FANCC: variants seen among roughly 807,000 people sequenced by gnomAD.
FANCC encodes the protein FA complementation group C, also known as Fanconi anemia group C protein.
FANCC carries 55 observed loss-of-function variants against 71.3 expected under a neutral mutation model. The ratio of observed to expected loss-of-function variants is 0.77; its 90% CI spans 0.62 to 0.97. The LOEUF is 0.97. Among genes scored for constraint, FANCC ranks in the 50% least tolerant of loss-of-function variants. The pLI, the probability that FANCC is intolerant of heterozygous loss-of-function variation, is 0.00. For synonymous variants in FANCC, 275 were observed against 244.9 expected, an observed-to-expected ratio of 1.12 and a Z score of -1.15; for missense variants, 678 against 670.9, an observed-to-expected ratio of 1.01 and a Z score of -0.12.
chr9:95,102,477 A>G (rs576552683), intron 14 of FANCC, among the ~76,000 whole-genome samples: 24 of 152,330 alleles, frequency 1.6e-4, no homozygotes, highest in East Asian at 1.3e-3. Flanking sequence ...GAATCTTACA[A>G]TTTAGCTGTG....
intron 3 of FANCC, among the ~76,000 whole-genome samples, chr9:95,243,218 G>T (rs1003967500): frequency 6.6e-6 from 1 of 152,184 alleles, no homozygotes; most frequent in African/African-American, 2.4e-5. Flanking sequence ...AGAGGTAACA[G>T]CTGTCATGCT....
intron 3 of FANCC, among the ~76,000 whole-genome samples, chr9:95,242,162 G>A (rs537853101): frequency 1.3e-5 from 2 of 152,110 alleles, no homozygotes; most frequent in African/African-American, 4.8e-5. Flanking sequence ...GTTATTCTGA[G>A]GCCATTCATT....
chr9:95,292,965 C>G, intron 1 of FANCC: 2 of 1,577,928 alleles, frequency 1.3e-6, no homozygotes, highest in Non-Finnish European at 1.7e-6. Context: ...TCACATCTAC[C>G]GAACTGGCCA....
chr9:95,119,173 C>T (rs564589225), intron 10 of FANCC, among the ~76,000 whole-genome samples: 1 of 152,276 alleles, frequency 6.6e-6, no homozygotes, highest in South Asian at 2.1e-4. Context: ...TTTTCATGTG[C>T]TTACTGCCAA....
intron 4 of FANCC, among the ~76,000 whole-genome samples, chr9:95,228,388 A>T (rs1384710707): frequency 6.6e-6 from 1 of 152,186 alleles, no homozygotes; most frequent in East Asian, 1.9e-4. Flanking sequence ...AACTGGAGTG[A>T]TCACTATTTC....
chr9:95,235,090 T>C (rs1223432916), intron 4 of FANCC, among the ~76,000 whole-genome samples: 2 of 152,352 alleles, frequency 1.3e-5, no homozygotes, highest in East Asian at 3.9e-4. Flanking sequence ...TCCAGTCAAG[T>C]TGATACTAAG....
Position 95,226,695 on chromosome 9 carries a change from C to T in FANCC, c.345+13954G>A, listed in dbSNP as rs1829641537. ...AGAGGAAGACAAACTGCCCGGGTTC[C>T]CAGAGAAGACAGAATAAACTGCCCA... On this transcript the variant is annotated intron_variant, in intron 4 of 14. Coordinates refer to ENST00000289081, the MANE Select transcript of FANCC (RefSeq NM_000136.3). Among the ~76,000 whole-genome samples the T allele has an allele frequency of 2.0e-5, 3 of 152,172 alleles. No homozygotes were observed. In the South Asian group the frequency reaches 6.2e-4, roughly 32 times the overall value.
At chr9:95,223,500 CCT>C (rs1251324062) in intron 4 of FANCC, among the ~76,000 whole-genome samples, 9 of 152,128 alleles carry the variant, frequency 5.9e-5, no homozygotes, top group South Asian at 2.1e-4. Flanking sequence ...TCTGCAATTC[CCT>C]GTTTCCAAGT....
chr9:95,147,851 G>A (rs1259079728), intron 7 of FANCC, among the ~76,000 whole-genome samples: 4 of 152,114 alleles, frequency 2.6e-5, no homozygotes, highest in Non-Finnish European at 2.9e-5. Flanking sequence ...AGAATCTCTG[G>A]ACTTACTGTA....
At chr9:95,285,328 G>T (rs1166467876) in intron 1 of FANCC, among the ~76,000 whole-genome samples, 1 of 151,924 alleles carries the variant, frequency 6.6e-6, no homozygotes, top group Non-Finnish European at 1.5e-5. Context: ...ACTGAAAATA[G>T]AATGCCATAA....
At chr9:95,294,438 T>C in intron 1 of FANCC, 2 of 1,604,712 alleles carry the variant, frequency 1.2e-6, no homozygotes, top group Non-Finnish European at 1.7e-6. Flanking sequence ...TTGAGATGTT[T>C]GACAGACAAA....
intron 4 of FANCC, among the ~76,000 whole-genome samples, chr9:95,195,068 C>T (rs1479178835): frequency 2.0e-5 from 3 of 151,824 alleles, no homozygotes; most frequent in African/African-American, 4.8e-5. Context: ...CGTGGTGGCA[C>T]GTGCCTGCAG....
At chr9:95,225,097 T>C (rs150219241) in intron 4 of FANCC, among the ~76,000 whole-genome samples, 1 of 152,296 alleles carries the variant, frequency 6.6e-6, no homozygotes, top group Non-Finnish European at 1.5e-5. Flanking sequence ...CAGTTACAGT[T>C]ACCAGCTCAC....
intron 1 of FANCC, among the ~76,000 whole-genome samples, chr9:95,274,671 A>G (rs894184493): frequency 6.6e-6 from 1 of 152,212 alleles, no homozygotes; most frequent in Non-Finnish European, 1.5e-5. Context: ...CCATTTTTAA[A>G]TTTCATTCTA....
intron 1 of FANCC, among the ~76,000 whole-genome samples, chr9:95,300,514 G>A (rs1010393163): frequency 4.0e-5 from 6 of 150,884 alleles, no homozygotes; most frequent in African/African-American, 1.5e-4. Context: ...GCAGTGGCAC[G>A]ATCTCGGCTC....
intron 1 of FANCC, among the ~76,000 whole-genome samples, chr9:95,275,053 C>T (rs1832956181): frequency 6.7e-6 from 1 of 149,978 alleles, no homozygotes; most frequent in South Asian, 2.1e-4. Context: ...AGGAGGATTG[C>T]TTGAACCCAG....
At chr9:95,270,348 G>A (rs1832647566) in intron 1 of FANCC, among the ~76,000 whole-genome samples, 1 of 152,110 alleles carries the variant, frequency 6.6e-6, no homozygotes, top group South Asian at 2.1e-4. Flanking sequence ...CCTGTACAAA[G>A]CAACCACCCG....
chr9:95,154,784 A>C (rs895164863), intron 6 of FANCC, among the ~76,000 whole-genome samples: 34 of 152,244 alleles, frequency 2.2e-4, no homozygotes, highest in African/African-American at 8.2e-4. Flanking sequence ...TAAAAATATC[A>C]AATATAAATA....
chr9:95,245,110 T>C (rs575224023), intron 3 of FANCC, among the ~76,000 whole-genome samples: 2 of 152,282 alleles, frequency 1.3e-5, no homozygotes, highest in South Asian at 4.2e-4. Context: ...GGACGTAATA[T>C]TTCTTTCTTT....
Sources: allele counts gnomAD v4.1 joint callset (sites outside exome capture counted in the v4.1 genomes callset), GRCh38; gene constraint gnomAD v4.1.1; transcripts MANE v1.5; gene names NCBI Gene and HGNC (gene_info 2026-07-23, HGNC 2026-07-21).